The following NLGN4Y variants were observed in gnomAD, a reference collection of about 807,000 sequenced individuals.
NLGN4Y encodes neuroligin 4 Y-linked.
A neutral mutation model predicts 8.4 loss-of-function variants in NLGN4Y; 4 were observed. That is an observed-to-expected ratio of 0.48 (90% CI 0.23 to 1.09). NLGN4Y has a LOEUF of 1.09. Among genes scored for constraint, NLGN4Y ranks in the 50% least tolerant of loss-of-function variants. NLGN4Y has a pLI of 0.19. For missense variants in NLGN4Y, 90 were observed against 192.3 expected, an observed-to-expected ratio of 0.47 and a Z score of 3.15; for synonymous variants, 35 against 75.6, an observed-to-expected ratio of 0.46 and a Z score of 2.78.
intron 1 of NLGN4Y, among the ~76,000 whole-genome samples, chrY:14,611,348 G>A (rs749839279): frequency 3.8e-5 from 1 of 26,599 alleles, no homozygotes; most frequent in South Asian, 8.5e-4. Context: ...TTTTGCAGTG[G>A]TATTTTGGTA....
intron 2 of NLGN4Y, among the ~76,000 whole-genome samples, chrY:14,674,194 AT>A: frequency 3.2e-5 from 1 of 31,134 alleles, no homozygotes; most frequent in Admixed American, 3.0e-4. Context: ...ATAAAAAAAA[AT>A]GGCATAAACC....
At chrY:14,691,778 C>A in intron 2 of NLGN4Y, among the ~76,000 whole-genome samples, 1 of 32,990 alleles carries the variant, frequency 3.0e-5, no homozygotes, top group South Asian at 6.6e-4. Flanking sequence ...ATGTCTATAA[C>A]ATATTTTTAT....
chrY:14,545,305 A>G, intron 1 of NLGN4Y, among the ~76,000 whole-genome samples: 1 of 33,115 alleles, frequency 3.0e-5, no homozygotes, highest in South Asian at 6.9e-4. Flanking sequence ...CAGTAATGAG[A>G]TGGCTGGGTC....
chrY:14,683,765 G>GA (rs2080777939), intron 2 of NLGN4Y, among the ~76,000 whole-genome samples: 1 of 33,419 alleles, frequency 3.0e-5, no homozygotes, highest in Non-Finnish European at 7.5e-5. Context: ...AGAACAACCA[G>GA]AAAAAAATGC....
intron 1 of NLGN4Y, among the ~76,000 whole-genome samples, chrY:14,527,346 G>T: frequency 1.2e-4 from 4 of 33,859 alleles, no homozygotes; most frequent in Non-Finnish European, 2.9e-4. Flanking sequence ...AGGCGTATGT[G>T]GTTAAAATAT....
chrY:14,542,854 A>G, intron 1 of NLGN4Y, among the ~76,000 whole-genome samples: 1 of 32,213 alleles, frequency 3.1e-5, no homozygotes, highest in East Asian at 8.1e-4. Flanking sequence ...GCCGGAAGCC[A>G]TCATTCTTAG....
intron 4 of NLGN4Y, among the ~76,000 whole-genome samples, chrY:14,812,575 T>C (rs2043085724): frequency 3.1e-5 from 1 of 32,505 alleles, no homozygotes. Flanking sequence ...ATATCTGTGG[T>C]TTTAGACAAT....
chrY:14,636,568 T>C (rs2080565935), intron 2 of NLGN4Y, among the ~76,000 whole-genome samples: 1 of 33,612 alleles, frequency 3.0e-5, no homozygotes, highest in Non-Finnish European at 7.3e-5. Context: ...TGAGCTAAAA[T>C]CAGATAATAA....
At chrY:14,656,502 G>C in intron 2 of NLGN4Y, among the ~76,000 whole-genome samples, 1 of 29,959 alleles carries the variant, frequency 3.3e-5, no homozygotes, top group Non-Finnish European at 7.9e-5. Flanking sequence ...CAGGAGAATT[G>C]CTTGAATCTA....
chrY:14,547,048 T>C (rs2080175754), intron 1 of NLGN4Y, among the ~76,000 whole-genome samples: 1 of 34,277 alleles, frequency 2.9e-5, no homozygotes, highest in African/African-American at 1.1e-4. Context: ...GTGGTTTTTG[T>C]CTTTGGCTTT....
chrY:14,839,650 C>T (rs2043208422), intron 6 of NLGN4Y, among the ~76,000 whole-genome samples: 1 of 33,586 alleles, frequency 3.0e-5, no homozygotes, highest in Non-Finnish European at 7.3e-5. Flanking sequence ...AAATTGTCCA[C>T]GTGTGTATGT....
chrY:14,594,729 G>A, intron 1 of NLGN4Y, among the ~76,000 whole-genome samples: 5 of 32,992 alleles, frequency 1.5e-4, no homozygotes, highest in South Asian at 7.0e-4. Context: ...TCTCGTAGCC[G>A]CTCGAGGAAG....
chrY:14,550,337 T>C (rs2080187748), intron 1 of NLGN4Y, among the ~76,000 whole-genome samples: 1 of 34,374 alleles, frequency 2.9e-5, no homozygotes, highest in Non-Finnish European at 7.3e-5. Flanking sequence ...TATCCAATTT[T>C]CCATTCTGTG....
intron 1 of NLGN4Y, among the ~76,000 whole-genome samples, chrY:14,615,185 A>T: frequency 3.1e-5 from 1 of 32,566 alleles, no homozygotes; most frequent in East Asian, 8.0e-4. Flanking sequence ...TAGGTATTTT[A>T]TTCTTTTTGT....
intron 4 of NLGN4Y, among the ~76,000 whole-genome samples, chrY:14,820,804 C>T: frequency 3.0e-5 from 1 of 33,421 alleles, no homozygotes; most frequent in African/African-American, 1.2e-4. Flanking sequence ...GCTTGTGCAA[C>T]ATAACTTTGA....
At chrY:14,837,173 G>A in intron 6 of NLGN4Y, among the ~76,000 whole-genome samples, 2 of 33,727 alleles carry the variant, frequency 5.9e-5, no homozygotes, top group African/African-American at 1.2e-4. Flanking sequence ...GTACCAAAAA[G>A]GGATTTTAAG....
chrY:14,844,023 T>C lies in NLGN4Y; in HGVS notation c.*2761T>C. On this transcript the variant is annotated 3_prime_UTR_variant, in exon 7 of 7. Coordinates refer to ENST00000684976, the MANE Select transcript of NLGN4Y (RefSeq NM_001365588.1). ...GGAATATTTTATTTACTTTTGCCATTCTTTGAATGCCTTTTTCTTTGTAAA... is the reference window on the plus strand; with the variant it reads ...GGAATATTTTATTTACTTTTGCCATCCTTTGAATGCCTTTTTCTTTGTAAA... 1 of 118,751 alleles carries C rather than the reference T, an allele frequency of 8.4e-6. No homozygotes were observed. The highest frequency in any genetic ancestry group is 1.1e-4 in the Admixed American group (1 of 9,127). The allele number at this position is 118,751 out of a possible 400,897, so 29.6% of individuals were successfully genotyped here.
At chrY:14,603,151 C>T in intron 1 of NLGN4Y, among the ~76,000 whole-genome samples, 1 of 31,309 alleles carries the variant, frequency 3.2e-5, no homozygotes, top group South Asian at 7.3e-4. Flanking sequence ...TGTGTGTGTG[C>T]GTGGTGTGTG....
At chrY:14,563,889 C>T (rs1042412399) in intron 1 of NLGN4Y, among the ~76,000 whole-genome samples, 12 of 33,191 alleles carry the variant, frequency 3.6e-4, no homozygotes, top group African/African-American at 1.4e-3. Flanking sequence ...GTGATATCCC[C>T]TATGTCATAT....
Sources: allele counts gnomAD v4.1 joint callset (sites outside exome capture counted in the v4.1 genomes callset), GRCh38; gene constraint gnomAD v4.1.1; transcripts MANE v1.5; gene names NCBI Gene and HGNC (gene_info 2026-07-23, HGNC 2026-07-21).